TBX18: variants seen among roughly 807,000 people sequenced by gnomAD.
TBX18 encodes T-box transcription factor 18.
Under a neutral mutation model 55.0 loss-of-function variants are expected in TBX18, and 21 were observed. The ratio of observed to expected loss-of-function variants is 0.38; its 90% confidence interval spans 0.27 to 0.55. The LOEUF (loss-of-function observed/expected upper bound fraction) is 0.55, where lower values mean the gene tolerates loss of function less well. Among genes scored for constraint, TBX18 ranks in the 20% least tolerant of loss-of-function variants. The pLI, the probability that TBX18 is intolerant of heterozygous loss-of-function variation, is 0.73. For missense variants in TBX18, 840 were observed against 799.6 expected, an observed-to-expected ratio of 1.05 and a Z score of -0.61; for synonymous variants, 342 against 326.1, an observed-to-expected ratio of 1.05 and a Z score of -0.53.
rs943961312 is a variant in TBX18, at chr6:84,733,609, G to A, written c.*3076C>T. 1 of 152,176 alleles carries A rather than the reference G, an allele frequency of 6.6e-6. No homozygotes were observed. The highest frequency in any genetic ancestry group is 1.5e-5 in the Non-Finnish European group (1 of 68,046). 9.4% of individuals were successfully genotyped at this position (152,176 alleles called of 1,614,324 possible). On this transcript the variant is annotated 3_prime_UTR_variant, in exon 8 of 8. Transcript: ENST00000369663. Reference sequence around the variant, plus strand: ...CCAGGACTTCATGGGACACTGCAGAGTTTAGTTAGGGATCTCTCTTCTTGC... The same window carrying A: ...CCAGGACTTCATGGGACACTGCAGAATTTAGTTAGGGATCTCTCTTCTTGC...
In TBX18 at chr6:84,762,662, C is replaced by T. The variant is rs1304683779; in HGVS notation, c.379G>A (p.Ala127Thr). 20 of 1,609,634 alleles carry T rather than the reference C, an allele frequency of 1.2e-5. No individual in the cohort carries two copies. The highest frequency in any genetic ancestry group is 1.6e-5 in the Non-Finnish European group (19 of 1,178,340). ...SPKGSPARSL[A>T]RPGTPLPSPQ... ...GAGGGCAGAGGGGTCCCGGGCCGGGCCAGGGAGCGCGCCGGAGACCCCTTG... is the reference window on the plus strand; with the variant it reads ...GAGGGCAGAGGGGTCCCGGGCCGGGTCAGGGAGCGCGCCGGAGACCCCTTG... The change falls in exon 2 of 8, where the codon GCC becomes ACC. Residue 127 changes from alanine to threonine, a missense_variant. Transcript: ENST00000369663.
Position 84,737,234 on chromosome 6 carries a change from G to A in TBX18, c.1275C>T (p.Leu425=). 1 of 1,610,232 alleles carries A rather than the reference G, an allele frequency of 6.2e-7. No homozygotes were observed. Residue 425 remains leucine, a synonymous_variant, in exon 8 of 8, where the codon CTC becomes CTT. Transcript: ENST00000369663. ...ADYSACARSG[L]TLNRYSTSLA... is the part of the protein sequence containing the mutation. ...AAGATGTGCTGTATCGGTTGAGGGT[G>A]AGGCCTGAGCGGGCACAGGCAGAAT...
At chr6:84,760,461 G>C in intron 2 of TBX18, 105 bp from the exon 3 acceptor site, 1 of 645,326 alleles carries the variant, frequency 1.5e-6, no homozygotes, top group East Asian at 2.8e-5. Flanking sequence ...TTTTAATATG[G>C]ATAAATTTAT....
At chr6:84,750,283 CAAA>C (rs546686776) in intron 4 of TBX18, among the ~76,000 whole-genome samples, 1 of 94,634 alleles carries the variant, frequency 1.1e-5, no homozygotes, top group Admixed American at 1.1e-4. Flanking sequence ...GATTCTATCT[CAAA>C]AAAAAAAAAA....
At chr6:84,740,420 A>T (rs1466613725) in intron 6 of TBX18, among the ~76,000 whole-genome samples, 1 of 152,214 alleles carries the variant, frequency 6.6e-6, no homozygotes, top group Non-Finnish European at 1.5e-5. Flanking sequence ...ACCCTTATTA[A>T]TCCTAACATT....
In TBX18 at chr6:84,747,906, T is replaced by A. The variant is rs754032161; in HGVS notation, c.939+14A>T. Reference sequence around the variant, plus strand: ...ATGAAAAATCTACAAAGATTCCAATTCTGAGAACAATACCTGCTGATTCTG... The same window carrying A: ...ATGAAAAATCTACAAAGATTCCAATACTGAGAACAATACCTGCTGATTCTG... On this transcript the variant is annotated intron_variant, in intron 5 of 7. Coordinates refer to ENST00000369663, the MANE Select transcript of TBX18 (RefSeq NM_001080508.3). 3.1e-6 allele frequency: 5 copies of A among 1,601,310 alleles called. No homozygotes were observed. Among genetic ancestry groups the A allele is most frequent in the Non-Finnish European group, 4.3e-6 (5 of 1,172,000 alleles).
chr6:84,764,302 T>G lies in TBX18; in HGVS notation c.-121A>C. 3.2e-6 allele frequency: 4 copies of G among 1,251,618 alleles called. No homozygotes were observed. The highest frequency in any genetic ancestry group is 4.1e-6 in the Non-Finnish European group (4 of 970,472). 77.5% of individuals were successfully genotyped at this position (1,251,618 alleles called of 1,614,324 possible). ...TCGGGGCCTCCCGAGATCTGCCCCCTTCCCCACCGCGGGCAAAAAACAGAT... is the reference window on the plus strand; with the variant it reads ...TCGGGGCCTCCCGAGATCTGCCCCCGTCCCCACCGCGGGCAAAAAACAGAT... On this transcript the variant is annotated 5_prime_UTR_variant, in exon 1 of 8. Transcript: ENST00000369663.
At chr6:84,753,755 G>T (rs756449060) in intron 4 of TBX18, among the ~76,000 whole-genome samples, 1 of 152,140 alleles carries the variant, frequency 6.6e-6, no homozygotes, top group Non-Finnish European at 1.5e-5. Context: ...TCATCAAGCT[G>T]AGTAAATAAA....
chr6:84,741,215 GA>G (rs1188365939), intron 6 of TBX18: 1 of 152,152 alleles, frequency 6.6e-6, no homozygotes, highest in Non-Finnish European at 1.5e-5. Context: ...GCTAGTTAAA[GA>G]AAAGATAAAA....
At chr6:84,763,395 A>G (rs2127883069) in intron 1 of TBX18, 2 of 457,976 alleles carry the variant, frequency 4.4e-6, no homozygotes, top group Non-Finnish European at 8.8e-6. Context: ...AGAAATCAAG[A>G]GGAGAAGGGA....
chr6:84,752,653 A>C (rs1337513665), intron 4 of TBX18, among the ~76,000 whole-genome samples: 1 of 152,192 alleles, frequency 6.6e-6, no homozygotes, highest in Admixed American at 6.5e-5. Context: ...AACAAACACA[A>C]ATGTGTCATA....
intron 4 of TBX18, among the ~76,000 whole-genome samples, chr6:84,752,770 C>T (rs887496237): frequency 6.6e-6 from 1 of 152,144 alleles, no homozygotes; most frequent in Non-Finnish European, 1.5e-5. Context: ...AGAGTGAAGG[C>T]ATCAGTATCA....
chr6:84,761,420 G>C (rs1457605841), intron 2 of TBX18, among the ~76,000 whole-genome samples: 1 of 152,170 alleles, frequency 6.6e-6, no homozygotes, highest in Non-Finnish European at 1.5e-5. Context: ...GTAAGATAAA[G>C]AGTAAAGGTC....
chr6:84,737,013 A>G lies in TBX18; in HGVS notation c.1496T>C (p.Ile499Thr). 6.2e-7 allele frequency: 1 copy of G among 1,613,766 alleles called. No homozygotes were observed. Among genetic ancestry groups the G allele is most frequent in the Admixed American group, 1.7e-5 (1 of 59,980 alleles). ...ISGMSPQLQY[I>T]MPSPSSNAFA... ...GGCATTGCTGGAGGGTGATGGCATGATATACTGGAGCTGGGGGGACATTCC... is the reference window on the plus strand; with the variant it reads ...GGCATTGCTGGAGGGTGATGGCATGGTATACTGGAGCTGGGGGGACATTCC... Residue 499 changes from isoleucine (I) to threonine (T), a missense_variant, in exon 8 of 8, where the codon ATC becomes ACC. Ile to Thr is a moderately conservative substitution (Grantham distance 89). Transcript: ENST00000369663.
Position 84,744,322 on chromosome 6 carries a change from T to A in TBX18, c.943A>T (p.Thr315Ser). ...TVTAYQNQQITRLKIDRNPFA... is the reference protein window; with the variant it reads ...TVTAYQNQQISRLKIDRNPFA... ...GGATTCCTATCTATCTTCAGGCGAG[T>A]AATCTGCAGAGTAGGAAAAAAAAAT... The change falls in exon 6 of 8, where the codon ACT becomes TCT. Residue 315 changes from threonine (T) to serine (S), a missense_variant. Physicochemically the swap from Thr to Ser is moderately conservative, Grantham distance 58. Transcript: ENST00000369663. 1 of 1,611,848 alleles carries A rather than the reference T, an allele frequency of 6.2e-7. No individual in the cohort carries two copies. The highest frequency in any genetic ancestry group is 1.1e-5 in the South Asian group (1 of 90,646).
chr6:84,745,243 T>G (rs1220995814), intron 5 of TBX18, among the ~76,000 whole-genome samples: 1 of 151,924 alleles, frequency 6.6e-6, no homozygotes, highest in African/African-American at 2.4e-5. Flanking sequence ...CCATTAATAG[T>G]TTTTTTAGTT....
Position 84,737,392 on chromosome 6 carries a change from T to A in TBX18, c.1117A>T (p.Thr373Ser). 1 of 1,515,308 alleles carries A rather than the reference T, an allele frequency of 6.6e-7. No homozygotes were observed. Among genetic ancestry groups the A allele is most frequent in the Non-Finnish European group, 8.8e-7 (1 of 1,131,902 alleles). The allele number at this position is 1,515,308 out of a possible 1,614,324, so 93.9% of individuals were successfully genotyped here. ...IPKQGNASSSTLLQGTGNGVP... is the reference protein window; with the variant it reads ...IPKQGNASSSSLLQGTGNGVP... ...CCATTCCCAGTACCTTGGAGCAAGG[T>A]GGAGGAACTTGCATTGCCTACAAAA... Residue 373 changes from threonine to serine, a missense_variant, in exon 8 of 8, where the codon ACC (threonine) becomes TCC (serine). Thr to Ser is a moderately conservative substitution (Grantham distance 58, BLOSUM62 1). Transcript: ENST00000369663.
chr6:84,750,758 C>A (rs186082379), intron 4 of TBX18, among the ~76,000 whole-genome samples: 59 of 152,252 alleles, frequency 3.9e-4, no homozygotes, highest in East Asian at 3.1e-3. Context: ...AGGGTCTCAG[C>A]CTACAGAAGC....
chr6:84,737,946 T>C (rs964584670), intron 7 of TBX18, among the ~76,000 whole-genome samples: 20 of 152,238 alleles, frequency 1.3e-4, no homozygotes, highest in African/African-American at 4.6e-4. Flanking sequence ...AATGTAGAAG[T>C]GAGCTGAGAG....
Sources: gnomAD v4.1 joint callset for allele counts (sites outside exome capture counted in the v4.1 genomes callset) on GRCh38, gnomAD v4.1.1 for gene constraint, MANE v1.5 for transcripts, NCBI Gene and HGNC (gene_info 2026-07-23, HGNC 2026-07-21) for gene names.